Variants in EIF3F observed in about 807,000 individuals in gnomAD.
EIF3F encodes eukaryotic translation initiation factor 3 subunit F.
Under a neutral mutation model 36.0 loss-of-function variants are expected in EIF3F, and 8 were observed. The ratio of observed to expected loss-of-function variants is 0.22; its 90% confidence interval spans 0.13 to 0.40. EIF3F has a LOEUF of 0.40. Among genes scored for constraint, EIF3F ranks in the 10% least tolerant of loss-of-function variants. EIF3F has a pLI of 1.00. For synonymous variants in EIF3F, 184 were observed against 188.5 expected (o/e 0.98, Z 0.19); for missense variants, 430 against 467.6 (o/e 0.92, Z 0.74).
rs1942178540 is a variant in EIF3F at position 7,997,899 on chromosome 11, A to G, written c.*1877A>G. On this transcript the variant is annotated 3_prime_UTR_variant, in exon 8 of 8. Coordinates refer to ENST00000651655, the MANE Select transcript of EIF3F (RefSeq NM_003754.3). ...CTTGTCATTTTTCCCTAAACAATAC[A>G]AAGTATTAGATGGTGTTTATACTGT... The G allele has an allele frequency of 6.6e-6, 1 of 152,232 alleles. No homozygotes were observed. Among genetic ancestry groups the G allele is most frequent in the Non-Finnish European group, 1.5e-5 (1 of 68,046 alleles). 9.4% of individuals were successfully genotyped at this position (152,232 alleles called of 1,614,324 possible). A position where few individuals can be genotyped will look rare whatever the true frequency, so the allele number is the denominator to read the frequency against.
In EIF3F at chr11:7,995,268, A is replaced by T. The variant is rs774264260; in HGVS notation, c.897A>T (p.Ser299=). The T allele has an allele frequency of 1.8e-5, 29 of 1,613,930 alleles. No homozygotes were observed. The highest frequency in any genetic ancestry group is 2.4e-5 in the Non-Finnish European group (28 of 1,179,938). The part of the protein sequence containing the change: ...YAEDVLSGKV[S]ADNTVGRFLM... Reference sequence around the variant, plus strand: ...TTGGTACTCAGTCTGGAAAGGTGTCAGCTGACAATACTGTGGGCCGCTTCC... The same window carrying T: ...TTGGTACTCAGTCTGGAAAGGTGTCTGCTGACAATACTGTGGGCCGCTTCC... The change falls in exon 7 of 8, where the codon TCA becomes TCT. Residue 299 remains serine (S), a synonymous_variant. Transcript: ENST00000651655.
rs1942199454 is a variant in EIF3F at position 7,999,794 on chromosome 11, C to G, written c.*3772C>G. The G allele has an allele frequency of 6.6e-6, 1 of 152,218 alleles. No homozygotes were observed. The highest frequency in any genetic ancestry group is 2.1e-4 in the South Asian group (1 of 4,830). The allele number at this position is 152,218 out of a possible 1,614,324, so 9.4% of individuals were successfully genotyped here. On this transcript the variant is annotated 3_prime_UTR_variant, in exon 8 of 8. Transcript: ENST00000651655. The stretch of plus-strand genomic sequence containing the variant: ...ATAAAAACACATATGATCCAGCAAT[C>G]CCACTACTGGGTATATATCCAAAGG...
Position 7,987,487 on chromosome 11 carries a change from A to G in EIF3F, c.135A>G (p.Ser45=). ...AAPVPAAAPA[S]SSDPAAAAAA... ...CGGTTCCCGCTGCGGCTCCAGCCTC[A>G]TCCTCAGACCCTGCGGCAGCAGCGG... Residue 45 remains serine (S), a synonymous_variant, in exon 1 of 8, where the codon TCA becomes TCG. Transcript: ENST00000651655. 1 of 1,606,416 alleles carries G rather than the reference A, an allele frequency of 6.2e-7. No homozygotes were observed. The highest frequency in any genetic ancestry group is 1.1e-5 in the South Asian group (1 of 90,718).
At chr11:7,991,717 A>G in intron 1 of EIF3F, 64 bp from the exon 2 acceptor site, 1 of 1,494,216 alleles carries the variant, frequency 6.7e-7, no homozygotes, top group Non-Finnish European at 9.3e-7. Context: ...GCATTTCAAA[A>G]GTAGTCAGAG....
chr11:7,990,320 C>T (rs1246952243), intron 1 of EIF3F, among the ~76,000 whole-genome samples: 14 of 152,150 alleles, frequency 9.2e-5, no homozygotes, highest in Non-Finnish European at 1.5e-5. Flanking sequence ...GGCAAACTTT[C>T]TATAAAGGTC....
chr11:7,994,480 A>T lies in EIF3F; in HGVS notation c.708A>T (p.Thr236=), dbSNP rs1227223457. ...RTMGVMFTPL[T]VKYAYYDTER... ...TGGGAGTGATGTTCACGCCTCTGAC[A>T]GTGAAATACGCGTACTACGACACTG... Residue 236 remains threonine (T), a synonymous_variant, in exon 5 of 8, where the codon ACA becomes ACT. Coordinates refer to ENST00000651655, the MANE Select transcript of EIF3F (RefSeq NM_003754.3). 6.2e-7 allele frequency: 1 copy of T among 1,614,098 alleles called. No homozygotes were observed. Among genetic ancestry groups the T allele is most frequent in the Non-Finnish European group, 8.5e-7 (1 of 1,180,000 alleles).
intron 7 of EIF3F, 74 bp from the exon 8 acceptor site, chr11:7,995,869 TAG>T (rs1263819989): frequency 8.4e-7 from 1 of 1,195,260 alleles, no homozygotes; most frequent in Non-Finnish European, 1.3e-6. Context: ...GTGTCTACCA[TAG>T]AGCTGGCCAA....
Position 7,987,342 on chromosome 11 carries a change from TTCTC to T in EIF3F, c.-10_-7del. The T allele has an allele frequency of 6.3e-7, 1 of 1,589,062 alleles. No individual in the cohort carries two copies. ...GTCATTTCCGCTTCCGCCTCCTTCT[TTCTC>T]GACAAGATGGCCACACCGGCGGTAC... is the stretch of plus-strand genomic sequence containing the variant. On this transcript the variant is annotated 5_prime_UTR_variant, in exon 1 of 8. Transcript: ENST00000651655.
At chr11:7,992,190 T>A in intron 3 of EIF3F, 27 bp downstream of exon 3, 2 of 1,582,918 alleles carry the variant, frequency 1.3e-6, no homozygotes, top group Non-Finnish European at 1.7e-6. Context: ...GGGGCTGGGG[T>A]TAATGGAAGG....
intron 1 of EIF3F, among the ~76,000 whole-genome samples, chr11:7,988,387 G>A (rs181099575): frequency 1.2e-4 from 18 of 152,312 alleles, no homozygotes; most frequent in Admixed American, 6.5e-5. Flanking sequence ...GCATTTGGAC[G>A]CAAACAGTTG....
chr11:7,995,848 C>T (rs888567039), intron 7 of EIF3F, 97 bp from the exon 8 acceptor site: 1 of 919,682 alleles, frequency 1.1e-6, no homozygotes, highest in Non-Finnish European at 1.8e-6. Context: ...CCACAGCTGT[C>T]CTCATACCCA....
chr11:7,989,090 C>G (rs1942061299), intron 1 of EIF3F, among the ~76,000 whole-genome samples: 1 of 152,234 alleles, frequency 6.6e-6, no homozygotes, highest in South Asian at 2.1e-4. Context: ...CTTCCACGTT[C>G]CCAGCAACAG....
In EIF3F at chr11:7,993,015, C is replaced by T; in HGVS notation, c.644C>T (p.Ala215Val). Reference protein sequence around the residue: ...SLQNGRMSIKAYVSTLMGVPG... With the variant: ...SLQNGRMSIKVYVSTLMGVPG... ...CAGAACGGCCGCATGAGCATCAAAG[C>T]CTACGTCAGGTGACCACAGTCTTGG... The change falls in exon 4 of 8, where the codon GCC (alanine) becomes GTC (valine). Residue 215 changes from alanine (A) to valine (V), a missense_variant. Transcript: ENST00000651655. The T allele has an allele frequency of 6.3e-7, 1 of 1,597,584 alleles. No homozygotes were observed. The highest frequency in any genetic ancestry group is 8.5e-7 in the Non-Finnish European group (1 of 1,171,470).
Position 7,990,485 on chromosome 11 carries a change from G to C in EIF3F, c.365-1296G>C, listed in dbSNP as rs370754828. Reference sequence around the variant, plus strand: ...GGGCCTGGCCTAGAAAAGGAACATTGAATAAAAAGACAAGAGAACAGAGAC... The same window carrying C: ...GGGCCTGGCCTAGAAAAGGAACATTCAATAAAAAGACAAGAGAACAGAGAC... On this transcript the variant is annotated intron_variant, in intron 1 of 7. Coordinates refer to ENST00000651655, the MANE Select transcript of EIF3F (RefSeq NM_003754.3). Among the ~76,000 whole-genome samples the C allele has an allele frequency of 1.2e-4, 19 of 152,144 alleles. No homozygotes were observed. In the East Asian group the frequency reaches 3.5e-3, roughly 28 times the overall value.
chr11:7,987,443 C>G lies in EIF3F; in HGVS notation c.91C>G (p.Pro31Ala). Reference sequence around the variant, plus strand: ...CCCAGCCTCAGTTCCAGCGCCAACGCCAGCACCGGCTGCGGCTCCGGTTCC... The same window carrying G: ...CCCAGCCTCAGTTCCAGCGCCAACGGCAGCACCGGCTGCGGCTCCGGTTCC... ...AAPASVPAPTPAPAAAPVPAA... is the reference protein window; with the variant it reads ...AAPASVPAPTAAPAAAPVPAA... The change falls in exon 1 of 8, where the codon CCA (proline) becomes GCA (alanine). Residue 31 changes from proline to alanine, a missense_variant. Pro to Ala is a conservative substitution (Grantham distance 27). Transcript: ENST00000651655. 2 of 1,603,106 alleles carry G rather than the reference C, an allele frequency of 1.2e-6. No homozygotes were observed. Among genetic ancestry groups the G allele is most frequent in the Non-Finnish European group, 1.7e-6 (2 of 1,179,086 alleles).
Position 8,000,840 on chromosome 11 carries a change from A to T in EIF3F, c.*4818A>T, listed in dbSNP as rs1393190851. ...AAAAAAACCATAAATATGAGGGAAA[A>T]AACACAGCAATGTGTTTTTAATGAT... is the stretch of plus-strand genomic sequence containing the variant. On this transcript the variant is annotated 3_prime_UTR_variant, in exon 8 of 8. Transcript: ENST00000651655. 6.6e-6 allele frequency: 1 copy of T among 152,228 alleles called. No homozygotes were observed. The highest frequency in any genetic ancestry group is 2.4e-5 in the African/African-American group (1 of 41,462). 9.4% of individuals were successfully genotyped at this position (152,228 alleles called of 1,614,324 possible).
intron 7 of EIF3F, 142 bp downstream of exon 7, chr11:7,995,509 T>C (rs1408657546): frequency 6.8e-6 from 5 of 738,376 alleles, no homozygotes; most frequent in Non-Finnish European, 1.2e-5. Flanking sequence ...GAAGTCCAGG[T>C]TGGGAGGAAG....
chr11:7,994,628 A>T, intron 5 of EIF3F, 111 bp downstream of exon 5: 2 of 993,546 alleles, frequency 2.0e-6, no homozygotes, highest in Admixed American at 2.5e-5. Context: ...GGGACTATTG[A>T]TCTAAGGTTT....
chr11:7,992,624 TG>T, intron 3 of EIF3F: 1 of 505,698 alleles, frequency 2.0e-6, no homozygotes, highest in South Asian at 2.1e-5. Flanking sequence ...GTGAATTCAG[TG>T]GGTTTTGCTG....
Sources: gnomAD v4.1 joint callset for allele counts (sites outside exome capture counted in the v4.1 genomes callset) on GRCh38, gnomAD v4.1.1 for gene constraint, MANE v1.5 for transcripts, NCBI Gene and HGNC (gene_info 2026-07-23, HGNC 2026-07-21) for gene names.